Variants in RASEF observed in about 807,000 individuals in gnomAD.
The protein encoded by RASEF is RAS and EF-hand domain containing.
In RASEF, 68 loss-of-function variants were observed where a neutral mutation model predicts 90.1. The ratio of observed to expected loss-of-function variants is 0.75; its 90% CI spans 0.62 to 0.92. The LOEUF (loss-of-function observed/expected upper bound fraction) is 0.92, where lower values mean the gene tolerates loss of function less well. RASEF is among the 40% of genes least tolerant of loss of function. RASEF has a pLI of 0.00. For synonymous variants in RASEF, 331 were observed against 345.2 expected (o/e 0.96, Z 0.46); for missense variants, 949 against 937.2 (o/e 1.01, Z -0.16).
At chr9:83,188,389 G>A in the RASEF span, among the ~76,000 whole-genome samples, 1 of 152,188 alleles carries the variant, frequency 6.6e-6, no homozygotes, top group African/African-American at 2.4e-5. Context: ...TTCAAATATT[G>A]TTTTGTCTGC....
At chr9:83,013,451 C>G (rs1211476048) in intron 4 of RASEF, among the ~76,000 whole-genome samples, 1 of 152,142 alleles carries the variant, frequency 6.6e-6, no homozygotes, top group Non-Finnish European at 1.5e-5. Flanking sequence ...GAAAAGCCAT[C>G]GATTTAAACA....
chr9:83,030,450 C>T (rs1829626018), intron 1 of RASEF, among the ~76,000 whole-genome samples: 1 of 152,016 alleles, frequency 6.6e-6, no homozygotes, highest in Non-Finnish European at 1.5e-5. Context: ...TCAGTAGATT[C>T]CCTCACTTTT....
Position 82,982,639 on chromosome 9 carries a change from T to C in RASEF, c.*38A>G. ...AATAAGTCACACAAATTCAGTATTC[T>C]GGAAATGAAGACTTCACAGGCCAAG... On this transcript the variant is annotated 3_prime_UTR_variant, in exon 17 of 17. Coordinates refer to ENST00000376447, the MANE Select transcript of RASEF (RefSeq NM_152573.4). 1 of 1,111,842 alleles carries C rather than the reference T, an allele frequency of 9.0e-7. No homozygotes were observed. Among genetic ancestry groups the C allele is most frequent in the Non-Finnish European group, 1.4e-6 (1 of 721,874 alleles). The allele number at this position is 1,111,842 out of a possible 1,614,324, so 68.9% of individuals were successfully genotyped here.
the RASEF span, among the ~76,000 whole-genome samples, chr9:83,145,728 A>G: frequency 3.9e-5 from 6 of 152,102 alleles, no homozygotes; most frequent in African/African-American, 1.4e-4. Flanking sequence ...TAAAGAGGGG[A>G]AAATGGGTAA....
At chr9:82,984,720 A>G (rs979198000) in intron 16 of RASEF, among the ~76,000 whole-genome samples, 7 of 152,184 alleles carry the variant, frequency 4.6e-5, no homozygotes, top group African/African-American at 1.7e-4. Flanking sequence ...TTAAGCCTCT[A>G]CATCTGTGGG....
At chr9:83,040,543 G>C (rs992478261) in intron 1 of RASEF, among the ~76,000 whole-genome samples, 8 of 152,070 alleles carry the variant, frequency 5.3e-5, no homozygotes, top group African/African-American at 1.9e-4. Flanking sequence ...ATATACTACA[G>C]AATCATGAAT....
At chr9:83,205,612 G>A in the RASEF span, among the ~76,000 whole-genome samples, 8 of 151,426 alleles carry the variant, frequency 5.3e-5, no homozygotes, top group Non-Finnish European at 1.2e-4. Flanking sequence ...TTGCTCCCCA[G>A]GCACTTTATT....
chr9:83,037,014 T>C (rs528351349), intron 1 of RASEF, among the ~76,000 whole-genome samples: 1 of 151,972 alleles, frequency 6.6e-6, no homozygotes, highest in East Asian at 1.9e-4. Flanking sequence ...AACCAGAAAA[T>C]ATAAATCTCC....
At chr9:83,132,581 T>C in the RASEF span, among the ~76,000 whole-genome samples, 1 of 152,170 alleles carries the variant, frequency 6.6e-6, no homozygotes, top group East Asian at 1.9e-4. Context: ...ATAACAAAAT[T>C]TGGGCAAAAC....
Position 82,998,412 on chromosome 9 carries a change from A to G in RASEF, c.1758T>C (p.Asp586=). Residue 586 remains aspartate, a synonymous_variant, in exon 13 of 17, where the codon GAT becomes GAC. Coordinates refer to ENST00000376447, the MANE Select transcript of RASEF (RefSeq NM_152573.4). The stretch of plus-strand genomic sequence containing the variant: ...AGAGCTGCAGAACTGTTCGTTCTCC[A>G]TCCACAATGAGGGTTTTCATTTGGA... ...VDFQMKTLIV[D]GERTVLQLWD... The G allele has an allele frequency of 3.1e-6, 5 of 1,613,204 alleles. No homozygotes were observed. The highest frequency in any genetic ancestry group is 4.2e-6 in the Non-Finnish European group (5 of 1,179,158).
the RASEF span, among the ~76,000 whole-genome samples, chr9:83,172,488 T>A: frequency 5.3e-5 from 8 of 151,946 alleles, no homozygotes; most frequent in African/African-American, 1.9e-4. Context: ...TGTGGACAAG[T>A]GATTTTCACT....
the RASEF span, among the ~76,000 whole-genome samples, chr9:83,098,785 G>C: frequency 1.3e-5 from 2 of 152,148 alleles, no homozygotes; most frequent in South Asian, 4.1e-4. Context: ...ATCAGATCTT[G>C]TGAGTCTTAT....
Position 83,062,987 on chromosome 9 carries a change from G to A in RASEF, c.-120C>T, listed in dbSNP as rs1287884094. 8.8e-7 allele frequency: 1 copy of A among 1,132,314 alleles called. No homozygotes were observed. The highest frequency in any genetic ancestry group is 1.6e-5 in the African/African-American group (1 of 60,668). 70.1% of individuals were successfully genotyped at this position (1,132,314 alleles called of 1,614,324 possible). On this transcript the variant is annotated 5_prime_UTR_variant, in exon 1 of 17. Transcript: ENST00000376447. The stretch of plus-strand genomic sequence containing the variant: ...CCGGCGAGTTTGGCTCGTCCGGCTG[G>A]TTCGGCCACTTGAGGGAACGTCGGG...
chr9:83,134,449 C>CAT, the RASEF span, among the ~76,000 whole-genome samples: 145 of 139,394 alleles, frequency 1.0e-3, no homozygotes, highest in Middle Eastern at 3.7e-3. Context: ...CACACACACA[C>CAT]ATATATATAT....
At chr9:83,080,275 C>G in the RASEF span, among the ~76,000 whole-genome samples, 1 of 152,148 alleles carries the variant, frequency 6.6e-6, no homozygotes, top group South Asian at 2.1e-4. Flanking sequence ...TTTCCACTTC[C>G]CAGACCTGTT....
chr9:83,066,607 A>G (rs1223693440), upstream of RASEF, among the ~76,000 whole-genome samples: 2 of 152,246 alleles, frequency 1.3e-5, no homozygotes, highest in African/African-American at 2.4e-5. Context: ...GAGCTTGCCC[A>G]TGATTGTCAG....
chr9:83,188,598 AG>A, the RASEF span, among the ~76,000 whole-genome samples: 1 of 152,254 alleles, frequency 6.6e-6, no homozygotes, highest in Non-Finnish European at 1.5e-5. Context: ...AGGCTAGTGC[AG>A]CAGGGAAAGA....
the RASEF span, among the ~76,000 whole-genome samples, chr9:83,190,198 G>T: frequency 1.3e-5 from 2 of 152,170 alleles, no homozygotes. Flanking sequence ...CAGAAACGCT[G>T]TATGTACTCC....
At position 83,025,758 on chromosome 9, in the gene RASEF, AG is replaced by A. The variant is rs1417343744; in HGVS notation, c.578+16del. ...TAAAGCACCCACAGGCCACTTATAAAGGAAGGACTTCAATACCTCTTCACCG... is the reference window on the plus strand; with the variant it reads ...TAAAGCACCCACAGGCCACTTATAAAGAAGGACTTCAATACCTCTTCACCG... On this transcript the variant is annotated intron_variant, in intron 2 of 16. Transcript: ENST00000376447. 1 of 1,611,124 alleles carries A rather than the reference AG, an allele frequency of 6.2e-7. No individual in the cohort carries two copies. The highest frequency in any genetic ancestry group is 1.1e-5 in the South Asian group (1 of 90,390).
Sources: allele counts gnomAD v4.1 joint callset (sites outside exome capture counted in the v4.1 genomes callset), GRCh38; gene constraint gnomAD v4.1.1; transcripts MANE v1.5; gene names NCBI Gene and HGNC (gene_info 2026-07-23, HGNC 2026-07-21).